CYSTM1: variants seen among roughly 807,000 people sequenced by gnomAD.
CYSTM1 encodes cysteine-rich transmembrane module-containing protein 1.
CYSTM1 carries 4 observed loss-of-function variants against 13.1 expected under a neutral mutation model. The ratio of observed to expected loss-of-function variants is 0.31; its 90% confidence interval spans 0.15 to 0.70. The LOEUF is 0.70. Among genes scored for constraint, CYSTM1 ranks in the 30% least tolerant of loss-of-function variants. CYSTM1 has a pLI of 0.72. For synonymous variants in CYSTM1, 36 were observed against 42.7 expected, an observed-to-expected ratio of 0.84 and a Z score of 0.62; for missense variants, 96 against 121.6, an observed-to-expected ratio of 0.79 and a Z score of 0.99.
At chr5:140,187,328 C>G (rs187034392) in intron 1 of CYSTM1, among the ~76,000 whole-genome samples, 12 of 150,872 alleles carry the variant, frequency 8.0e-5, no homozygotes, top group African/African-American at 2.7e-4. Context: ...ACACCGAGGT[C>G]TCTAGGGTAA....
intron 1 of CYSTM1, among the ~76,000 whole-genome samples, chr5:140,177,018 G>A (rs1417806668): frequency 6.8e-6 from 1 of 147,266 alleles, no homozygotes; most frequent in African/African-American, 2.5e-5. Flanking sequence ...GCAGTGAGCC[G>A]AGGCTGCGCC....
chr5:140,223,608 G>A (rs556328631), intron 2 of CYSTM1, among the ~76,000 whole-genome samples: 2 of 152,212 alleles, frequency 1.3e-5, no homozygotes, highest in Admixed American at 6.5e-5. Flanking sequence ...GGACAAAGGC[G>A]GGAGTTTGCC....
At chr5:140,218,039 A>C (rs1180900688) in intron 2 of CYSTM1, among the ~76,000 whole-genome samples, 1 of 152,034 alleles carries the variant, frequency 6.6e-6, no homozygotes. Context: ...GGTGACTGTG[A>C]GAGTTGGTAG....
At chr5:140,224,303 C>A (rs1323626259) in intron 2 of CYSTM1, among the ~76,000 whole-genome samples, 1 of 151,992 alleles carries the variant, frequency 6.6e-6, no homozygotes, top group Non-Finnish European at 1.5e-5. Flanking sequence ...CCACACCCAG[C>A]TAATTTTGTA....
chr5:140,210,517 T>G lies in CYSTM1; in HGVS notation c.187+15865T>G, dbSNP rs577384545. ...CTTAATTTAAGAAAATTTATTTTTCTTCTTTTTTTTTTTTGAAATAGGGTC... is the reference window on the plus strand; with the variant it reads ...CTTAATTTAAGAAAATTTATTTTTCGTCTTTTTTTTTTTTGAAATAGGGTC... On this transcript the variant is annotated intron_variant, in intron 2 of 2. Transcript: ENST00000261811. Among the ~76,000 whole-genome samples the G allele has an allele frequency of 2.6e-4, 30 of 115,244 alleles. No homozygotes were observed. In the South Asian group the frequency reaches 0.013, roughly 49 times the overall value. 75.6% of individuals were successfully genotyped at this position (115,244 alleles called of 152,430 possible). A position where few individuals can be genotyped will look rare whatever the true frequency, so the allele number is the denominator to read the frequency against.
chr5:140,220,471 C>T (rs1764476175), intron 2 of CYSTM1, among the ~76,000 whole-genome samples: 1 of 152,158 alleles, frequency 6.6e-6, no homozygotes, highest in African/African-American at 2.4e-5. Context: ...TTGAAAGGAT[C>T]TGTCATGATT....
chr5:140,198,575 G>C (rs1477266496), intron 2 of CYSTM1, among the ~76,000 whole-genome samples: 1 of 152,198 alleles, frequency 6.6e-6, no homozygotes, highest in Non-Finnish European at 1.5e-5. Context: ...TTTGGGCTAG[G>C]CCCAGAACTG....
chr5:140,214,509 G>A (rs1260217552), intron 2 of CYSTM1, among the ~76,000 whole-genome samples: 1 of 152,132 alleles, frequency 6.6e-6, no homozygotes, highest in East Asian at 1.9e-4. Flanking sequence ...GCTGGCCTGG[G>A]GAAACAAGGT....
At chr5:140,191,145 C>T (rs1764089873) in intron 1 of CYSTM1, among the ~76,000 whole-genome samples, 1 of 152,336 alleles carries the variant, frequency 6.6e-6, no homozygotes, top group South Asian at 2.1e-4. Context: ...ATCCTGCACA[C>T]GTGCTCTTTC....
At chr5:140,187,363 G>GTT (rs1764030932) in intron 1 of CYSTM1, among the ~76,000 whole-genome samples, 1 of 151,570 alleles carries the variant, frequency 6.6e-6, no homozygotes, top group African/African-American at 2.4e-5. Flanking sequence ...GTTTTTGTTT[G>GTT]TTTGTTTTGT....
intron 2 of CYSTM1, among the ~76,000 whole-genome samples, chr5:140,196,880 G>T (rs889435493): frequency 6.6e-6 from 1 of 152,210 alleles, no homozygotes; most frequent in African/African-American, 2.4e-5. Flanking sequence ...GGGTGGGACT[G>T]GTTATTCATT....
chr5:140,226,357 G>A (rs10062573), intron 2 of CYSTM1, among the ~76,000 whole-genome samples: 4,043 of 149,064 alleles, frequency 0.027, 183 homozygotes, highest in African/African-American at 0.095. Context: ...GGCTGGGCGC[G>A]GTGGCTCACA....
chr5:140,188,246 C>T (rs1265629833), intron 1 of CYSTM1, among the ~76,000 whole-genome samples: 1 of 150,388 alleles, frequency 6.6e-6, no homozygotes, highest in African/African-American at 2.4e-5. Context: ...AATTTTTTTG[C>T]GGGGGGAAGG....
At chr5:140,198,081 C>T (rs1764177467) in intron 2 of CYSTM1, among the ~76,000 whole-genome samples, 1 of 152,148 alleles carries the variant, frequency 6.6e-6, no homozygotes, top group African/African-American at 2.4e-5. Context: ...AAGAGCATAC[C>T]TGCAGATTAT....
intron 1 of CYSTM1, among the ~76,000 whole-genome samples, chr5:140,179,452 C>A (rs1277468083): frequency 1.3e-5 from 2 of 151,160 alleles, no homozygotes; most frequent in South Asian, 4.2e-4. Flanking sequence ...CCAGCTAAGT[C>A]GGGAGGCTGA....
chr5:140,188,329 T>A (rs2126655092), intron 1 of CYSTM1, among the ~76,000 whole-genome samples: 1 of 152,124 alleles, frequency 6.6e-6, no homozygotes, highest in Non-Finnish European at 1.5e-5. Flanking sequence ...CTCAAGTGAT[T>A]CCCCTGTCTC....
intron 2 of CYSTM1, among the ~76,000 whole-genome samples, chr5:140,233,340 T>C (rs1186881175): frequency 1.3e-5 from 2 of 152,218 alleles, no homozygotes; most frequent in Non-Finnish European, 2.9e-5. Flanking sequence ...CTGTGGATAC[T>C]TTATTGCTGA....
At chr5:140,178,682 C>T (rs1395121610) in intron 1 of CYSTM1, among the ~76,000 whole-genome samples, 1 of 151,648 alleles carries the variant, frequency 6.6e-6, no homozygotes, top group East Asian at 2.0e-4. Flanking sequence ...CTCACTGCAA[C>T]CTCCACCTCC....
intron 2 of CYSTM1, among the ~76,000 whole-genome samples, chr5:140,232,409 T>G (rs1488002231): frequency 6.6e-6 from 1 of 152,026 alleles, no homozygotes; most frequent in East Asian, 1.9e-4. Flanking sequence ...AAAGGAAAGA[T>G]GGCAGTGTAG....
Sources: gnomAD v4.1 joint callset for allele counts (sites outside exome capture counted in the v4.1 genomes callset) on GRCh38, gnomAD v4.1.1 for gene constraint, MANE v1.5 for transcripts, NCBI Gene and HGNC (gene_info 2026-07-23, HGNC 2026-07-21) for gene names.